The following PEBP4 variants were observed in gnomAD, a reference collection of about 807,000 sequenced individuals.
The protein encoded by PEBP4 is phosphatidylethanolamine-binding protein 4.
In PEBP4, 22 loss-of-function variants were observed where a neutral mutation model predicts 23.9. That is an observed-to-expected ratio of 0.92 (90% CI 0.66 to 1.31). PEBP4 has a LOEUF of 1.31. Ranked by LOEUF, PEBP4 falls within the 40% of genes most tolerant of loss-of-function variation. PEBP4 has a pLI of 0.00. For synonymous variants in PEBP4, 112 were observed against 99.3 expected, an observed-to-expected ratio of 1.13 and a Z score of -0.76; for missense variants, 324 against 281.7, an observed-to-expected ratio of 1.15 and a Z score of -1.07.
intron 3 of PEBP4, among the ~76,000 whole-genome samples, chr8:22,856,249 A>G (rs1441288799): frequency 6.6e-6 from 1 of 152,190 alleles, no homozygotes; most frequent in East Asian, 1.9e-4. Context: ...ATTGCCAAAA[A>G]GCACATGAAA....
At chr8:22,748,834 G>A (rs961618483) in intron 4 of PEBP4, among the ~76,000 whole-genome samples, 2 of 152,206 alleles carry the variant, frequency 1.3e-5, no homozygotes, top group Admixed American at 6.5e-5. Flanking sequence ...AACAGGAGAG[G>A]CCTCCACGAG....
intron 4 of PEBP4, among the ~76,000 whole-genome samples, chr8:22,771,989 G>A (rs1250284751): frequency 6.6e-6 from 1 of 152,230 alleles, no homozygotes; most frequent in African/African-American, 2.4e-5. Flanking sequence ...TTTTAACACT[G>A]CCGCTTCAAT....
intron 2 of PEBP4, 24 bp downstream of exon 2, chr8:22,927,560 G>T (rs373579924): frequency 1.3e-6 from 2 of 1,597,178 alleles, no homozygotes; most frequent in African/African-American, 2.7e-5. Context: ...TGTGCCTCCC[G>T]CCTCCAAGCC....
chr8:22,765,634 C>A (rs918624236), intron 4 of PEBP4, among the ~76,000 whole-genome samples: 1 of 152,256 alleles, frequency 6.6e-6, no homozygotes, highest in Non-Finnish European at 1.5e-5. Flanking sequence ...TGATAAAACC[C>A]TGTCCACAAG....
At chr8:22,931,731 G>A (rs987126487), upstream of PEBP4, among the ~76,000 whole-genome samples, 6 of 152,000 alleles carry the variant, frequency 3.9e-5, no homozygotes, top group Non-Finnish European at 7.4e-5. Flanking sequence ...TTACAGGCAC[G>A]CACCACTATG....
chr8:22,859,366 C>T (rs1256138041), intron 3 of PEBP4, among the ~76,000 whole-genome samples: 1 of 152,208 alleles, frequency 6.6e-6, no homozygotes, highest in Non-Finnish European at 1.5e-5. Flanking sequence ...TCAGACTCAT[C>T]AGGCTGGAAT....
At chr8:22,723,947 C>A (rs1433117190) in intron 6 of PEBP4, among the ~76,000 whole-genome samples, 1 of 152,132 alleles carries the variant, frequency 6.6e-6, no homozygotes, top group African/African-American at 2.4e-5. Context: ...GATGTTTGGT[C>A]GAGGTCACTG....
chr8:22,745,146 A>G (rs1805085340), intron 4 of PEBP4, among the ~76,000 whole-genome samples: 1 of 152,138 alleles, frequency 6.6e-6, no homozygotes, highest in Non-Finnish European at 1.5e-5. Context: ...CTCAAGTTGG[A>G]TGGAAAAGCC....
intron 4 of PEBP4, among the ~76,000 whole-genome samples, chr8:22,786,682 G>C (rs1329306293): frequency 2.0e-5 from 3 of 152,174 alleles, no homozygotes; most frequent in Admixed American, 2.0e-4. Flanking sequence ...TTTCTCCTCA[G>C]TCCTAACGTC....
intron 3 of PEBP4, among the ~76,000 whole-genome samples, chr8:22,878,759 ACTGGATGTCTAGGCCAAG>A (rs1381079866): frequency 6.6e-6 from 1 of 152,136 alleles, no homozygotes; most frequent in Non-Finnish European, 1.5e-5. Context: ...CAGAGAGCAA[ACTGGATGTCTAGGCCAAG>A]CTGGATGCCA....
At chr8:22,839,588 AG>A (rs1371765408) in intron 3 of PEBP4, among the ~76,000 whole-genome samples, 1 of 152,204 alleles carries the variant, frequency 6.6e-6, no homozygotes, top group African/African-American at 2.4e-5. Context: ...AAGGACTACA[AG>A]GGATGATGAA....
intron 3 of PEBP4, among the ~76,000 whole-genome samples, chr8:22,837,109 T>C (rs1356774806): frequency 1.3e-5 from 2 of 152,202 alleles, no homozygotes; most frequent in African/African-American, 4.8e-5. Context: ...GCCCAATTCT[T>C]ACTGATTTCT....
intron 3 of PEBP4, among the ~76,000 whole-genome samples, chr8:22,906,912 A>G (rs1032080460): frequency 1.3e-5 from 2 of 152,216 alleles, no homozygotes; most frequent in Non-Finnish European, 2.9e-5. Context: ...AAAAAATGAT[A>G]TGTAAGTTAG....
chr8:22,736,097 G>A (rs1230858531), intron 4 of PEBP4, among the ~76,000 whole-genome samples: 3 of 151,956 alleles, frequency 2.0e-5, no homozygotes, highest in East Asian at 1.9e-4. Context: ...GTCTGCCCTC[G>A]GGGAACTCCT....
chr8:22,755,405 G>A (rs1043878919), intron 4 of PEBP4, among the ~76,000 whole-genome samples: 3 of 142,486 alleles, frequency 2.1e-5, no homozygotes, highest in East Asian at 2.2e-4. Flanking sequence ...GCGTGATCTC[G>A]GCTCATTGCA....
intron 3 of PEBP4, among the ~76,000 whole-genome samples, chr8:22,918,018 G>T (rs1374981644): frequency 6.6e-6 from 1 of 152,174 alleles, no homozygotes. Context: ...TCAGTTTTGT[G>T]AACCAATGTT....
chr8:22,724,691 C>T (rs1182107050), intron 6 of PEBP4, 152 bp downstream of exon 6: 2 of 633,690 alleles, frequency 3.2e-6, no homozygotes, highest in Non-Finnish European at 5.7e-6. Context: ...GGCACTCCTT[C>T]CAGTTCACTC....
At chr8:22,833,749 C>T (rs1306478872) in intron 3 of PEBP4, among the ~76,000 whole-genome samples, 1 of 152,192 alleles carries the variant, frequency 6.6e-6, no homozygotes, top group African/African-American at 2.4e-5. Flanking sequence ...ATGGTCTCAC[C>T]CCTGCCTTAA....
intron 4 of PEBP4, among the ~76,000 whole-genome samples, chr8:22,789,564 C>G (rs1200125166): frequency 6.6e-6 from 1 of 152,148 alleles, no homozygotes; most frequent in South Asian, 2.1e-4. Context: ...CTCTGAAGAC[C>G]TATGCAGCTC....
Sources: gnomAD v4.1 joint callset for allele counts (sites outside exome capture counted in the v4.1 genomes callset) on GRCh38, gnomAD v4.1.1 for gene constraint, MANE v1.5 for transcripts, NCBI Gene and HGNC (gene_info 2026-07-23, HGNC 2026-07-21) for gene names.